The following PPFIA3 variants were observed in gnomAD, a reference collection of about 807,000 sequenced individuals.
PPFIA3 encodes PPFI scaffold protein A3, also known as liprin-alpha-3.
A neutral mutation model predicts 145.8 loss-of-function variants in PPFIA3; 26 were observed. The observed-to-expected ratio is 0.18, with a 90% CI of 0.13 to 0.25. PPFIA3 has a LOEUF of 0.25. Among genes scored for constraint, PPFIA3 ranks in the 10% least tolerant of loss-of-function variants. The probability of loss-of-function intolerance (pLI) is 1.00; values close to 1 mark genes in which losing one functional copy is unlikely to be tolerated. For missense variants in PPFIA3, 1,008 were observed against 1,587.8 expected (o/e 0.63, Z 6.21); for synonymous variants, 645 against 661.4 (o/e 0.98, Z 0.38).
At chr19:49,137,042 C>A in intron 15 of PPFIA3, 131 bp downstream of exon 15, 2 of 856,430 alleles carry the variant, frequency 2.3e-6, no homozygotes, top group Non-Finnish European at 3.4e-6. Flanking sequence ...TCCAGCCCAA[C>A]ACTCACTCCG....
chr19:49,149,535 T>A lies in PPFIA3; in HGVS notation c.3355-12T>A. ...AGGAGTCCCTCACCGGCTGTCCGGCTCCTATACCTAGGACAGCGCCAAGTC... is the reference window on the plus strand; with the variant it reads ...AGGAGTCCCTCACCGGCTGTCCGGCACCTATACCTAGGACAGCGCCAAGTC... On this transcript the variant is annotated splice_polypyrimidine_tract_variant and intron_variant, in intron 27 of 29. Coordinates refer to ENST00000334186, the MANE Select transcript of PPFIA3 (RefSeq NM_003660.4). The surrounding 1 kb of genome is among the most constrained non-coding windows in gnomAD (Gnocchi z 5.7). 2 of 1,613,990 alleles carry A rather than the reference T, an allele frequency of 1.2e-6. No individual in the cohort carries two copies. Among genetic ancestry groups the A allele is most frequent in the Non-Finnish European group, 8.5e-7 (1 of 1,179,968 alleles).
At position 49,130,336 on chromosome 19, in the gene PPFIA3, G is replaced by A. The variant is rs1242829590; in HGVS notation, c.658-42G>A. The A allele has an allele frequency of 3.3e-6, 5 of 1,516,652 alleles. No homozygotes were observed. Among genetic ancestry groups the A allele is most frequent in the Non-Finnish European group, 4.5e-6 (5 of 1,118,246 alleles). 93.9% of individuals were successfully genotyped at this position (1,516,652 alleles called of 1,614,324 possible). A position where few individuals can be genotyped will look rare whatever the true frequency, so the allele number is the denominator to read the frequency against. On this transcript the variant is annotated intron_variant, in intron 6 of 29. Transcript: ENST00000334186. This position sits in a 1 kb window ranked among gnomAD's most constrained non-coding sequence, Gnocchi z 4.5. ...CTCCTTGGATTTCCTCTGTGTCTCC[G>A]GAGACACTCTGGGATCTTGTCCCCT...
Position 49,128,825 on chromosome 19 carries a change from G to T in PPFIA3, c.343-23G>T. 6.4e-7 allele frequency: 1 copy of T among 1,560,380 alleles called. No homozygotes were observed. Among genetic ancestry groups the T allele is most frequent in the Non-Finnish European group, 8.7e-7 (1 of 1,153,964 alleles). ...CCCTTTTCCCTTGCCTCTTTTCCTT[G>T]ACCCCATGCCGTGTGCTTGCAGCTG... On this transcript the variant is annotated intron_variant, in intron 3 of 29. Coordinates refer to ENST00000334186, the MANE Select transcript of PPFIA3 (RefSeq NM_003660.4). This position sits in a 1 kb window ranked among gnomAD's most constrained non-coding sequence, Gnocchi z 4.1.
At chr19:49,140,254 G>A (rs1328804210) in intron 18 of PPFIA3, among the ~76,000 whole-genome samples, 166 bp downstream of exon 18, 1 of 152,194 alleles carries the variant, frequency 6.6e-6, no homozygotes, top group African/African-American at 2.4e-5. Context: ...GCGGGAGGAG[G>A]AGGGAAAAGG....
chr19:49,127,094 A>T, intron 1 of PPFIA3, among the ~76,000 whole-genome samples: 1 of 151,224 alleles, frequency 6.6e-6, no homozygotes, highest in Non-Finnish European at 1.5e-5. Flanking sequence ...AAAAAAAAAA[A>T]AAAAAAAGGT....
Position 49,128,050 on chromosome 19 carries a change from G to T in PPFIA3, c.177G>T (p.Arg59=). ...AQDGLATAQL[R]LRELGHEKDS... is the part of the protein sequence containing the mutation. Reference sequence around the variant, plus strand: ...ACGGGTTGGCTACAGCGCAGCTGCGGCTGCGCGAGCTCGGCCACGAGAAGG... The same window carrying T: ...ACGGGTTGGCTACAGCGCAGCTGCGTCTGCGCGAGCTCGGCCACGAGAAGG... The change falls in exon 2 of 30, where the codon CGG becomes CGT. Residue 59 remains arginine (R), a synonymous_variant. Coordinates refer to ENST00000334186, the MANE Select transcript of PPFIA3 (RefSeq NM_003660.4). This position sits in a 1 kb window ranked among gnomAD's most constrained non-coding sequence, Gnocchi z 4.1. 4.4e-6 allele frequency: 7 copies of T among 1,595,018 alleles called. No individual in the cohort carries two copies. Among genetic ancestry groups the T allele is most frequent in the Non-Finnish European group, 5.9e-6 (7 of 1,178,236 alleles).
chr19:49,148,250 C>A lies in PPFIA3; in HGVS notation c.3003C>A (p.Ser1001Arg). ...ELRGQLKMVD[S>R]FHRVSLHYGI... Reference sequence around the variant, plus strand: ...GGGGCCAACTCAAGATGGTGGACAGCTTTCACAGGTGGGGGCTGCCTGGCC... The same window carrying A: ...GGGGCCAACTCAAGATGGTGGACAGATTTCACAGGTGGGGGCTGCCTGGCC... The change falls in exon 24 of 30, where the codon AGC (serine) becomes AGA (arginine). Residue 1001 changes from serine to arginine, a missense_variant. Transcript: ENST00000334186. 1.2e-6 allele frequency: 2 copies of A among 1,613,534 alleles called. No homozygotes were observed. The highest frequency in any genetic ancestry group is 1.7e-6 in the Non-Finnish European group (2 of 1,179,622).
At chr19:49,126,560 C>CTTT (rs762895281) in intron 1 of PPFIA3, among the ~76,000 whole-genome samples, 10 of 118,804 alleles carry the variant, frequency 8.4e-5, no homozygotes, top group East Asian at 7.1e-4. Context: ...CCTGGCCTTG[C>CTTT]TTTTTTTTTT....
In PPFIA3 at chr19:49,149,190, A is replaced by G; in HGVS notation, c.3285+22A>G. ...ACAGGTGAGCTGCCGCTGGGCCCGG[A>G]GCATGCTGGGCGTCCCCACCTCGCA... On this transcript the variant is annotated intron_variant, in intron 26 of 29. Transcript: ENST00000334186. This position sits in a 1 kb window ranked among gnomAD's most constrained non-coding sequence, Gnocchi z 5.7. The G allele has an allele frequency of 1.9e-6, 3 of 1,613,824 alleles. No individual in the cohort carries two copies. The highest frequency in any genetic ancestry group is 1.7e-6 in the Non-Finnish European group (2 of 1,179,888).
intron 16 of PPFIA3, among the ~76,000 whole-genome samples, chr19:49,139,385 A>G (rs1157151201): frequency 2.0e-5 from 3 of 149,130 alleles, no homozygotes; most frequent in Non-Finnish European, 3.0e-5. Context: ...GCTACTTGGG[A>G]GGCTGAGGCA....
chr19:49,124,392 A>G (rs987237946), intron 1 of PPFIA3, among the ~76,000 whole-genome samples: 1 of 152,018 alleles, frequency 6.6e-6, no homozygotes, highest in Non-Finnish European at 1.5e-5. Context: ...CTTCATCCCT[A>G]GCAGGCTCTG....
chr19:49,122,179 C>A (rs2040944360), intron 1 of PPFIA3, among the ~76,000 whole-genome samples: 1 of 150,664 alleles, frequency 6.6e-6, no homozygotes, highest in African/African-American at 2.5e-5. Flanking sequence ...CTCCCGCGTT[C>A]AAGCGATTCT....
At position 49,148,220 on chromosome 19, in the gene PPFIA3, G is replaced by A; in HGVS notation, c.2973G>A (p.Glu991=). 1 of 1,614,216 alleles carries A rather than the reference G, an allele frequency of 6.2e-7. No individual in the cohort carries two copies. The highest frequency in any genetic ancestry group is 8.5e-7 in the Non-Finnish European group (1 of 1,180,022). Residue 991 remains glutamate (E), a synonymous_variant, in exon 24 of 30, where the codon GAG becomes GAA. Coordinates refer to ENST00000334186, the MANE Select transcript of PPFIA3 (RefSeq NM_003660.4). Reference sequence around the variant, plus strand: ...TGTTAGATCACCTTAACAAGAAGGAGCTCCGGGGCCAACTCAAGATGGTGG... The same window carrying A: ...TGTTAGATCACCTTAACAAGAAGGAACTCCGGGGCCAACTCAAGATGGTGG... ...ARMLDHLNKK[E]LRGQLKMVDS... is the part of the protein sequence containing the mutation.
intron 1 of PPFIA3, among the ~76,000 whole-genome samples, chr19:49,121,162 C>T (rs8101098): frequency 0.3 from 45,147 of 152,008 alleles, 7,033 homozygotes; most frequent in African/African-American, 0.34. Context: ...TCCATTGCCC[C>T]CTGAGGCTCA....
In PPFIA3 at chr19:49,135,861, G is replaced by T. The variant is rs200155721; in HGVS notation, c.1603G>T (p.Ala535Ser). The T allele has an allele frequency of 1.1e-5, 18 of 1,613,760 alleles. No individual in the cohort carries two copies. Among genetic ancestry groups the T allele is most frequent in the Non-Finnish European group, 1.4e-5 (16 of 1,179,928 alleles). ...TGGTGCCCACCTGGATCCCTATGTG[G>T]CTGGCAGTGGTCGGGCAGGCAAGAG... ...PSGAHLDPYVAGSGRAGKRGR... is the reference protein window; with the variant it reads ...PSGAHLDPYVSGSGRAGKRGR... The change falls in exon 14 of 30, where the codon GCT becomes TCT. Residue 535 changes from alanine (A) to serine (S), a missense_variant. Ala to Ser is a moderately conservative substitution (Grantham distance 99, BLOSUM62 1). Coordinates refer to ENST00000334186, the MANE Select transcript of PPFIA3 (RefSeq NM_003660.4).
At chr19:49,140,147 T>C (rs3764624) in intron 18 of PPFIA3, 59 bp downstream of exon 18, 727,041 of 1,561,986 alleles carry the variant, frequency 0.47, 171,694 homozygotes, top group African/African-American at 0.62. Flanking sequence ...CTCCCTCCCT[T>C]TCTTTCTTCT....
intron 4 of PPFIA3, 132 bp from the exon 5 acceptor site, chr19:49,129,248 G>T: frequency 9.7e-7 from 1 of 1,032,986 alleles, no homozygotes; most frequent in Non-Finnish European, 1.4e-6. Flanking sequence ...GGTTGCGGCT[G>T]CATACCCGTT....
chr19:49,126,169 C>T (rs1340930665), intron 1 of PPFIA3, among the ~76,000 whole-genome samples: 1 of 151,690 alleles, frequency 6.6e-6, no homozygotes, highest in Non-Finnish European at 1.5e-5. Context: ...AGGCTGGGCT[C>T]AATCTCTTGA....
intron 16 of PPFIA3, among the ~76,000 whole-genome samples, 186 bp from the exon 17 acceptor site, chr19:49,139,482 T>G (rs916770198): frequency 1.8e-5 from 2 of 109,530 alleles, no homozygotes; most frequent in African/African-American, 3.7e-5. Context: ...AGAGTGAAAC[T>G]CCATCTCAAA....
Sources: gnomAD v4.1 joint callset for allele counts (sites outside exome capture counted in the v4.1 genomes callset) on GRCh38, gnomAD v4.1.1 for gene constraint, Gnocchi (gnomAD v3.1) non-coding constraint, MANE v1.5 for transcripts, NCBI Gene and HGNC (gene_info 2026-07-23, HGNC 2026-07-21) for gene names.